The following CYP3A7 variants were observed in gnomAD, a reference collection of about 807,000 sequenced individuals.
The protein encoded by CYP3A7 is cytochrome P450 3A7.
In CYP3A7, 45 loss-of-function variants were observed where a neutral mutation model predicts 55.2. That is an observed-to-expected ratio of 0.82 (90% CI 0.64 to 1.05). The LOEUF is 1.05. Among genes scored for constraint, CYP3A7 ranks in the 50% least tolerant of loss-of-function variants. The pLI, the probability that CYP3A7 is intolerant of heterozygous loss-of-function variation, is 0.00. For synonymous variants in CYP3A7, 180 were observed against 207.4 expected (o/e 0.87, Z 1.13); for missense variants, 548 against 605.3 (o/e 0.91, Z 0.99).
At chr7:99,717,154 C>A (rs763370032) in intron 6 of CYP3A7, 23 bp downstream of exon 6, 1 of 1,613,688 alleles carries the variant, frequency 6.2e-7, no homozygotes, top group Non-Finnish European at 8.5e-7. Flanking sequence ...AGCTCAGAAC[C>A]CCATGGCTGT....
chr7:99,731,589 T>C (rs537515144), intron 1 of CYP3A7, among the ~76,000 whole-genome samples: 1 of 152,332 alleles, frequency 6.6e-6, no homozygotes, highest in Non-Finnish European at 1.5e-5. Flanking sequence ...AGATTTTGCA[T>C]CACTGCATCC....
At chr7:99,719,500 G>A (rs1225175702) in intron 4 of CYP3A7, among the ~76,000 whole-genome samples, 6 of 152,140 alleles carry the variant, frequency 3.9e-5, no homozygotes, top group Admixed American at 1.3e-4. Context: ...GTTACATTTA[G>A]TAAAGCATTA....
chr7:99,707,056 A>C (rs1168669760), intron 12 of CYP3A7, among the ~76,000 whole-genome samples: 1 of 152,236 alleles, frequency 6.6e-6, no homozygotes, highest in East Asian at 1.9e-4. Context: ...GGACTAGGTC[A>C]AGAAGACACC....
At chr7:99,706,215 T>G (rs1313725235) in intron 12 of CYP3A7, among the ~76,000 whole-genome samples, 2 of 152,192 alleles carry the variant, frequency 1.3e-5, no homozygotes, top group African/African-American at 4.8e-5. Context: ...CTTTTCTTAT[T>G]GAGACACTCC....
chr7:99,717,672 A>C, intron 4 of CYP3A7, 33 bp from the exon 5 acceptor site: 1 of 1,611,384 alleles, frequency 6.2e-7, no homozygotes, highest in Non-Finnish European at 8.5e-7. Context: ...TTTGTCCTAC[A>C]TCAGTTGTGG....
chr7:99,722,301 G>A lies in CYP3A7; in HGVS notation c.213C>T (p.Val71=). The change falls in exon 3 of 13, where the codon GTC becomes GTT. Residue 71 remains valine (V), a synonymous_variant. Transcript: ENST00000336374. ...GAATCTTCCAGAATACTCACCCCCA[G>A]ACTTTTCTATACTTTTTATAACATT... The part of the protein sequence containing the change: ...DMECYKKYRK[V]WGIYDCQQPM... 2 of 1,613,608 alleles carry A rather than the reference G, an allele frequency of 1.2e-6. No homozygotes were observed. The highest frequency in any genetic ancestry group is 1.1e-5 in the South Asian group (1 of 91,078).
chr7:99,710,679 A>G, intron 10 of CYP3A7, 53 bp downstream of exon 10: 1 of 1,613,194 alleles, frequency 6.2e-7, no homozygotes, highest in Non-Finnish European at 8.5e-7. Context: ...GTGAGGAAGC[A>G]TCTTTGCTAA....
In CYP3A7 at chr7:99,709,229, C is replaced by T. The variant is rs115129932; in HGVS notation, c.1059G>A (p.Leu353=). Residue 353 remains leucine, a synonymous_variant, in exon 11 of 13, where the codon TTG becomes TTA. Transcript: ENST00000336374. ...CATTCACCACCATGTCAAGATACTC[C>T]AACTGTAGCACAGTATCATAGGTGG... ...APPTYDTVLQ[L]EYLDMVVNET... is the part of the protein sequence containing the mutation. The T allele has an allele frequency of 6.2e-7, 1 of 1,613,858 alleles. No homozygotes were observed. The highest frequency in any genetic ancestry group is 8.5e-7 in the Non-Finnish European group (1 of 1,179,910).
At chr7:99,711,479 A>T (rs1205928590) in intron 9 of CYP3A7, among the ~76,000 whole-genome samples, 2 of 152,154 alleles carry the variant, frequency 1.3e-5, no homozygotes, top group African/African-American at 2.4e-5. Flanking sequence ...CCTTATTAGA[A>T]ATGCAAAGGC....
At chr7:99,722,467 G>A (rs1457860494) in intron 2 of CYP3A7, 119 bp from the exon 3 acceptor site, 6 of 1,270,764 alleles carry the variant, frequency 4.7e-6, no homozygotes, top group Non-Finnish European at 5.5e-6. Context: ...GTTAGAGGAA[G>A]CTTATTTAGA....
intron 2 of CYP3A7, among the ~76,000 whole-genome samples, chr7:99,722,973 C>T (rs1193725723): frequency 1.3e-5 from 2 of 152,100 alleles, no homozygotes; most frequent in Non-Finnish European, 2.9e-5. Context: ...AATGTCACCT[C>T]TACACATCGG....
chr7:99,708,223 A>T lies in CYP3A7; in HGVS notation c.1254-249T>A, dbSNP rs546518368. ...GGAGATAAATACTGTTGCAAAGTAT[A>T]TTTATTTCTAAACACTCAAATTATA... On this transcript the variant is annotated intron_variant, in intron 11 of 12. Coordinates refer to ENST00000336374, the MANE Select transcript of CYP3A7 (RefSeq NM_000765.5). Among the ~76,000 whole-genome samples the T allele has an allele frequency of 3.9e-5, 6 of 152,262 alleles. 1 individual carries two copies. Among genetic ancestry groups the T allele is most frequent in the Admixed American group, 3.3e-4 (5 of 15,286 alleles).
intron 2 of CYP3A7, among the ~76,000 whole-genome samples, chr7:99,725,815 G>A (rs1318082727): frequency 6.6e-6 from 1 of 152,156 alleles, no homozygotes; most frequent in Non-Finnish European, 1.5e-5. Context: ...TTACAGCAGA[G>A]GGTAAGTCCA....
chr7:99,715,989 T>C, intron 6 of CYP3A7, 83 bp from the exon 7 acceptor site: 1 of 1,610,372 alleles, frequency 6.2e-7, no homozygotes, highest in African/African-American at 1.3e-5. Flanking sequence ...AATCCACATG[T>C]CCAGTCAAGA....
At chr7:99,733,609 G>C (rs1169900859) in intron 1 of CYP3A7, among the ~76,000 whole-genome samples, 3 of 152,172 alleles carry the variant, frequency 2.0e-5, no homozygotes, top group South Asian at 2.1e-4. Context: ...GCCACACACA[G>C]AGTGACACTG....
chr7:99,723,463 C>A (rs1030440392), intron 2 of CYP3A7, among the ~76,000 whole-genome samples: 9 of 152,190 alleles, frequency 5.9e-5, no homozygotes, highest in Admixed American at 1.3e-4. Flanking sequence ...CCACCCCTAT[C>A]TCCCTTTGCA....
At chr7:99,734,284 G>A (rs1353348729) in intron 1 of CYP3A7, among the ~76,000 whole-genome samples, 3 of 152,156 alleles carry the variant, frequency 2.0e-5, no homozygotes, top group South Asian at 2.1e-4. Context: ...TGTGACAGGC[G>A]GGAAGCCTCC....
In CYP3A7 at chr7:99,710,831, G is replaced by T. The variant is rs1344400183; in HGVS notation, c.927C>A (p.Thr309=). The change falls in exon 10 of 13, where the codon ACC becomes ACA. Residue 309 remains threonine (T), a synonymous_variant. Coordinates refer to ENST00000336374, the MANE Select transcript of CYP3A7 (RefSeq NM_000765.5). ...TAATGAAGGAGAGAACACTGCTCGT[G>T]GTTTCATAGCCAGCAAAAATAAAGA... ...SIIFIFAGYE[T]TSSVLSFIIY... 2.5e-6 allele frequency: 4 copies of T among 1,613,680 alleles called. No homozygotes were observed. The East Asian group carries it at 6.7e-5, about 27-fold the overall frequency.
At position 99,714,548 on chromosome 7, in the gene CYP3A7, G is replaced by C. The variant is rs369588507; in HGVS notation, c.798+7C>G. On this transcript the variant is annotated splice_region_variant and intron_variant, in intron 8 of 12. Transcript: ENST00000336374. ...AACATCCTCCTATAACTACCACCAC[G>C]TTTTACCTTTTGTGTCTCTTTGAGG... is the stretch of plus-strand genomic sequence containing the variant. 1.9e-6 allele frequency: 3 copies of C among 1,612,094 alleles called. No individual in the cohort carries two copies. The South Asian group carries it at 3.3e-5, about 18-fold the overall frequency.
Sources: gnomAD v4.1 joint callset for allele counts (sites outside exome capture counted in the v4.1 genomes callset) on GRCh38, gnomAD v4.1.1 for gene constraint, MANE v1.5 for transcripts, NCBI Gene and HGNC (gene_info 2026-07-23, HGNC 2026-07-21) for gene names.